LRMDA: variants seen among roughly 807,000 people sequenced by gnomAD.
The protein encoded by LRMDA is leucine-rich melanocyte differentiation-associated protein.
In LRMDA, 18 loss-of-function variants were observed where a neutral mutation model predicts 29.8. The ratio of observed to expected loss-of-function variants is 0.60; its 90% CI spans 0.42 to 0.90. LRMDA has a LOEUF of 0.90. Among genes scored for constraint, LRMDA ranks in the 40% least tolerant of loss-of-function variants. The pLI, the probability that LRMDA is intolerant of heterozygous loss-of-function variation, is 0.00. For missense variants in LRMDA, 273 were observed against 273.9 expected (o/e 1.00, Z 0.02); for synonymous variants, 125 against 109.4 (o/e 1.14, Z -0.89).
chr10:76,381,186 C>A (rs1439566098), intron 6 of LRMDA, among the ~76,000 whole-genome samples: 2 of 151,976 alleles, frequency 1.3e-5, no homozygotes, highest in Admixed American at 1.3e-4. Flanking sequence ...TGGACACTGA[C>A]TGTAAAAGGA....
intron 2 of LRMDA, among the ~76,000 whole-genome samples, chr10:75,698,344 C>T (rs768557642): frequency 1.3e-5 from 2 of 152,370 alleles, no homozygotes; most frequent in Middle Eastern, 3.4e-3. Flanking sequence ...AGTAAGAACA[C>T]TGGCCCTTAC....
At chr10:75,916,978 G>A (rs1219468228) in intron 2 of LRMDA, among the ~76,000 whole-genome samples, 1 of 152,186 alleles carries the variant, frequency 6.6e-6, no homozygotes, top group Non-Finnish European at 1.5e-5. Flanking sequence ...TACACTTTTT[G>A]TCGGGGGCTT....
intron 6 of LRMDA, among the ~76,000 whole-genome samples, chr10:76,510,173 C>A (rs1332120445): frequency 6.6e-6 from 1 of 152,074 alleles, no homozygotes; most frequent in African/African-American, 2.4e-5. Context: ...CGGATTCAAG[C>A]GATTCTCCTG....
intron 6 of LRMDA, among the ~76,000 whole-genome samples, chr10:76,513,332 A>G (rs1843026958): frequency 6.6e-6 from 1 of 152,170 alleles, no homozygotes; most frequent in Non-Finnish European, 1.5e-5. Flanking sequence ...TTTATTATAT[A>G]TTTTTAGTAC....
chr10:75,707,587 T>C (rs1842384844), intron 2 of LRMDA, among the ~76,000 whole-genome samples: 1 of 152,156 alleles, frequency 6.6e-6, no homozygotes, highest in Non-Finnish European at 1.5e-5. Flanking sequence ...AGCCTTCATC[T>C]TGCCTGGGCC....
chr10:75,665,043 T>G (rs1327614024), intron 2 of LRMDA, among the ~76,000 whole-genome samples: 1 of 152,160 alleles, frequency 6.6e-6, no homozygotes, highest in Non-Finnish European at 1.5e-5. Flanking sequence ...TTACTGGAGC[T>G]GGGATTTGAA....
intron 2 of LRMDA, among the ~76,000 whole-genome samples, chr10:75,838,674 C>T (rs1844483540): frequency 2.6e-5 from 4 of 152,124 alleles, no homozygotes; most frequent in Admixed American, 2.0e-4. Context: ...CTTCAGGAGA[C>T]CTGGAAAGAG....
intron 5 of LRMDA, among the ~76,000 whole-genome samples, chr10:76,274,964 A>G (rs1010057646): frequency 6.6e-6 from 1 of 152,062 alleles, no homozygotes; most frequent in African/African-American, 2.4e-5. Context: ...TTGGCTCCAT[A>G]TTTAAGTGAA....
intron 2 of LRMDA, among the ~76,000 whole-genome samples, chr10:75,511,256 G>A (rs1589164919): frequency 6.6e-6 from 1 of 152,176 alleles, no homozygotes; most frequent in African/African-American, 2.4e-5. Flanking sequence ...GATTGCCTCA[G>A]CACAGGAGGT....
At chr10:76,379,005 C>T (rs780772261) in intron 6 of LRMDA, among the ~76,000 whole-genome samples, 10 of 151,904 alleles carry the variant, frequency 6.6e-5, no homozygotes, top group East Asian at 1.9e-4. Context: ...TACAGGCATG[C>T]GCCACCACGC....
At chr10:76,145,103 A>T (rs1428089488) in intron 5 of LRMDA, among the ~76,000 whole-genome samples, 1 of 152,200 alleles carries the variant, frequency 6.6e-6, no homozygotes, top group Non-Finnish European at 1.5e-5. Context: ...CCAGTATTTT[A>T]TTGAGAATTT....
At chr10:75,870,156 G>GA (rs928563204) in intron 2 of LRMDA, among the ~76,000 whole-genome samples, 1 of 151,680 alleles carries the variant, frequency 6.6e-6, no homozygotes, top group Non-Finnish European at 1.5e-5. Flanking sequence ...TTTGAAGGTT[G>GA]AAAAAAAATA....
At chr10:75,841,054 A>C (rs1378815285) in intron 2 of LRMDA, among the ~76,000 whole-genome samples, 1 of 152,182 alleles carries the variant, frequency 6.6e-6, no homozygotes, top group Non-Finnish European at 1.5e-5. Flanking sequence ...TACATGCTGT[A>C]GCTCTGGGGT....
Position 75,826,167 on chromosome 10 carries a change from A to C in LRMDA, c.132-209841A>C, listed in dbSNP as rs77175362. 5.4e-3 allele frequency among the ~76,000 whole-genome samples: 828 copies of C among 152,334 alleles called. 2 individuals carry two copies. Among genetic ancestry groups the C allele is most frequent in the Non-Finnish European group, 9.2e-3 (626 of 68,034 alleles). ...AATCCTACTGTGATTTATTGGCTACATACTGGATATCAAAGCCAAAAGGAA... is the reference window on the plus strand; with the variant it reads ...AATCCTACTGTGATTTATTGGCTACCTACTGGATATCAAAGCCAAAAGGAA... On this transcript the variant is annotated intron_variant, in intron 2 of 6. Coordinates refer to ENST00000611255, the MANE Select transcript of LRMDA (RefSeq NM_001305581.2).
chr10:76,150,664 G>C (rs565507749), intron 5 of LRMDA, among the ~76,000 whole-genome samples: 23 of 152,206 alleles, frequency 1.5e-4, no homozygotes, highest in African/African-American at 5.5e-4. Context: ...GCAGTCGATC[G>C]AGCCTTGGGC....
At chr10:75,595,560 CATATAATTATAATAT>C (rs1589197063) in intron 2 of LRMDA, among the ~76,000 whole-genome samples, 1 of 148,784 alleles carries the variant, frequency 6.7e-6, no homozygotes, top group Non-Finnish European at 1.5e-5. Context: ...TTATAATCCA[CATATAATTATAATAT>C]ATATAATTAT....
chr10:75,492,978 T>C (rs1845004951), intron 2 of LRMDA, among the ~76,000 whole-genome samples: 1 of 152,208 alleles, frequency 6.6e-6, no homozygotes, highest in African/African-American at 2.4e-5. Context: ...GTCTTGAGGC[T>C]TTCCGCTGCT....
chr10:76,029,976 GC>G (rs1217062462), intron 2 of LRMDA, among the ~76,000 whole-genome samples: 1 of 152,096 alleles, frequency 6.6e-6, no homozygotes, highest in Non-Finnish European at 1.5e-5. Context: ...GCTCACTGTA[GC>G]CTGGCCCTCC....
At chr10:75,796,221 T>C (rs1352413742) in intron 2 of LRMDA, among the ~76,000 whole-genome samples, 1 of 152,238 alleles carries the variant, frequency 6.6e-6, no homozygotes, top group African/African-American at 2.4e-5. Flanking sequence ...TCCAGTACAA[T>C]GATGAACAGA....
Sources: gnomAD v4.1 joint callset for allele counts (sites outside exome capture counted in the v4.1 genomes callset) on GRCh38, gnomAD v4.1.1 for gene constraint, MANE v1.5 for transcripts, NCBI Gene and HGNC (gene_info 2026-07-23, HGNC 2026-07-21) for gene names.